ABI1: variants seen among roughly 807,000 people sequenced by gnomAD.
ABI1 encodes the protein Abelson interactor 1.
ABI1 carries 14 observed loss-of-function variants against 54.6 expected under a neutral mutation model. The observed-to-expected ratio is 0.26, with a 90% confidence interval of 0.17 to 0.40. The LOEUF is 0.40. Ranked by LOEUF, ABI1 falls within the 10% of genes least tolerant of loss-of-function variation. The probability of loss-of-function intolerance (pLI) is 1.00; values close to 1 mark genes in which losing one functional copy is unlikely to be tolerated. For missense variants in ABI1, 443 were observed against 598.3 expected (o/e 0.74, Z 2.71); for synonymous variants, 194 against 209.3 (o/e 0.93, Z 0.63).
At chr10:26,770,562 C>T in intron 4 of ABI1, 1 of 714,832 alleles carries the variant, frequency 1.4e-6, no homozygotes, top group South Asian at 1.4e-5. Flanking sequence ...TAGCCAAATA[C>T]AGGTGAGATG....
At chr10:26,821,121 T>C (rs113958283) in intron 2 of ABI1, among the ~76,000 whole-genome samples, 4,479 of 151,184 alleles carry the variant, frequency 0.03, 92 homozygotes, top group Non-Finnish European at 0.042. Flanking sequence ...GAGGTGCACC[T>C]GTAATCCCAG....
At chr10:26,848,103 G>A (rs2134178942) in intron 1 of ABI1, among the ~76,000 whole-genome samples, 1 of 151,634 alleles carries the variant, frequency 6.6e-6, no homozygotes, top group African/African-American at 2.4e-5. Context: ...GGAGGCTGAG[G>A]TGGGAGGATG....
intron 2 of ABI1, among the ~76,000 whole-genome samples, chr10:26,787,530 C>A (rs1015194344): frequency 2.0e-5 from 3 of 152,086 alleles, no homozygotes; most frequent in African/African-American, 7.2e-5. Context: ...TCATAGAAGT[C>A]CAAAACACAA....
intron 2 of ABI1, among the ~76,000 whole-genome samples, chr10:26,803,139 T>C (rs963319167): frequency 2.6e-5 from 4 of 151,978 alleles, no homozygotes; most frequent in African/African-American, 7.3e-5. Flanking sequence ...AGACAGACAT[T>C]CCAGGCAAAG....
intron 4 of ABI1, 106 bp downstream of exon 4, chr10:26,770,969 G>C (rs1840616061): frequency 2.6e-6 from 3 of 1,142,450 alleles, no homozygotes; most frequent in Non-Finnish European, 4.0e-6. Context: ...AATCCTACAG[G>C]GAAAAGCAGA....
intron 1 of ABI1, among the ~76,000 whole-genome samples, chr10:26,843,852 A>G (rs1227240980): frequency 6.6e-6 from 1 of 152,152 alleles, no homozygotes; most frequent in Non-Finnish European, 1.5e-5. Context: ...TCCCCAAGTT[A>G]TGACAATTAG....
At chr10:26,852,354 CT>C (rs1458804198) in intron 1 of ABI1, among the ~76,000 whole-genome samples, 2 of 152,104 alleles carry the variant, frequency 1.3e-5, no homozygotes, top group African/African-American at 4.8e-5. Flanking sequence ...TGGCGCATCC[CT>C]GTAATCCCAG....
intron 1 of ABI1, among the ~76,000 whole-genome samples, chr10:26,848,748 A>G (rs2050178965): frequency 6.6e-6 from 1 of 151,702 alleles, no homozygotes; most frequent in Non-Finnish European, 1.5e-5. Flanking sequence ...AGCTGGGATT[A>G]CAGGCATGTG....
intron 2 of ABI1, among the ~76,000 whole-genome samples, chr10:26,808,386 T>C (rs2047007218): frequency 6.6e-6 from 1 of 152,196 alleles, no homozygotes; most frequent in Non-Finnish European, 1.5e-5. Context: ...ATAAGGGTGA[T>C]GGTTCAAGTT....
intron 7 of ABI1, chr10:26,764,059 A>T: frequency 1.2e-6 from 1 of 845,746 alleles, no homozygotes; most frequent in Non-Finnish European, 1.8e-6. Flanking sequence ...GAAAAAGAAA[A>T]AAGATACCCC....
intron 1 of ABI1, among the ~76,000 whole-genome samples, chr10:26,826,809 A>C (rs2048330364): frequency 6.6e-6 from 1 of 152,076 alleles, no homozygotes; most frequent in African/African-American, 2.4e-5. Context: ...CTTTTCTTCT[A>C]TAGCTTTCTC....
chr10:26,764,538 G>A (rs1250357626), intron 7 of ABI1, among the ~76,000 whole-genome samples: 1 of 152,160 alleles, frequency 6.6e-6, no homozygotes, highest in African/African-American at 2.4e-5. Context: ...TCCAGCTGGA[G>A]TATCGTACAA....
intron 1 of ABI1, among the ~76,000 whole-genome samples, chr10:26,851,040 A>G (rs928245845): frequency 6.6e-6 from 1 of 151,724 alleles, no homozygotes; most frequent in Non-Finnish European, 1.5e-5. Flanking sequence ...AAAAGTAGGA[A>G]AAACCAACCA....
Position 26,798,928 on chromosome 10 carries a change from G to GCATGTACACATGTAACAAATCT in ABI1, c.286-21709_286-21688dup, listed in dbSNP as rs546425137. Among the ~76,000 whole-genome samples the GCATGTACACATGTAACAAATCT allele has an allele frequency of 3.5e-3, 529 of 152,080 alleles. 5 individuals are homozygous for GCATGTACACATGTAACAAATCT. Among genetic ancestry groups the GCATGTACACATGTAACAAATCT allele is most frequent in the East Asian group, 0.029 (151 of 5,168 alleles). On this transcript the variant is annotated intron_variant, in intron 2 of 10. Transcript: ENST00000376140. Reference sequence around the variant, plus strand: ...AAAAATTCACCACAAGCAGGAGTCAGCATGTACACATGTAACAAATCTCCG... The same window carrying GCATGTACACATGTAACAAATCT: ...AAAAATTCACCACAAGCAGGAGTCAGCATGTACACATGTAACAAATCTCATGTACACATGTAACAAATCTCCG...
intron 8 of ABI1, among the ~76,000 whole-genome samples, chr10:26,757,742 T>C (rs953691569): frequency 1.2e-4 from 18 of 152,190 alleles, no homozygotes; most frequent in African/African-American, 4.3e-4. Context: ...TAGGAATTTT[T>C]GCTATAACAT....
At chr10:26,797,033 G>A (rs1844269915) in intron 2 of ABI1, among the ~76,000 whole-genome samples, 1 of 152,184 alleles carries the variant, frequency 6.6e-6, no homozygotes, top group African/African-American at 2.4e-5. Context: ...TTCCTGACAA[G>A]CCACGGACTA....
intron 1 of ABI1, among the ~76,000 whole-genome samples, chr10:26,847,227 G>A (rs1432073028): frequency 6.6e-6 from 1 of 152,150 alleles, no homozygotes; most frequent in Non-Finnish European, 1.5e-5. Flanking sequence ...CAACTTGGGA[G>A]CCTATACAAT....
chr10:26,822,946 TTTATG>T (rs1475145525), intron 2 of ABI1, among the ~76,000 whole-genome samples, 187 bp downstream of exon 2: 5 of 152,180 alleles, frequency 3.3e-5, no homozygotes, highest in African/African-American at 1.2e-4. Context: ...AATGGTCAAT[TTTATG>T]TTATGTTTAC....
intron 8 of ABI1, among the ~76,000 whole-genome samples, chr10:26,758,560 GTAAT>G (rs1838666686): frequency 6.6e-6 from 1 of 152,156 alleles, no homozygotes; most frequent in African/African-American, 2.4e-5. Flanking sequence ...CAAAGACAGA[GTAAT>G]TAAGCAGGCA....
Sources: allele counts gnomAD v4.1 joint callset (sites outside exome capture counted in the v4.1 genomes callset), GRCh38; gene constraint gnomAD v4.1.1; transcripts MANE v1.5; gene names NCBI Gene and HGNC (gene_info 2026-07-23, HGNC 2026-07-21).